CNNM1: variants seen among roughly 807,000 people sequenced by gnomAD.
The protein encoded by CNNM1 is cyclin and CBS domain divalent metal cation transport mediator 1.
In CNNM1, 44 loss-of-function variants were observed where a neutral mutation model predicts 78.8. The observed-to-expected ratio is 0.56, with a 90% CI of 0.44 to 0.72. The LOEUF is 0.72. Ranked by LOEUF, CNNM1 falls within the 30% of genes least tolerant of loss-of-function variation. The probability of loss-of-function intolerance (pLI) is 0.00; values close to 1 mark genes in which losing one functional copy is unlikely to be tolerated. For synonymous variants in CNNM1, 584 were observed against 581.5 expected (o/e 1.00, Z -0.06); for missense variants, 1,101 against 1,292.2 (o/e 0.85, Z 2.27).
At chr10:99,377,341 C>T in intron 7 of CNNM1, 123 bp downstream of exon 7, 1 of 946,128 alleles carries the variant, frequency 1.1e-6, no homozygotes. Context: ...TGTTCCAATA[C>T]AGTGCTGGGT....
chr10:99,368,842 C>T (rs1363258417), intron 6 of CNNM1, among the ~76,000 whole-genome samples: 2 of 152,180 alleles, frequency 1.3e-5, no homozygotes, highest in Non-Finnish European at 2.9e-5. Flanking sequence ...GCACATACCA[C>T]CCAGGCATTG....
intron 1 of CNNM1, among the ~76,000 whole-genome samples, chr10:99,333,121 G>T (rs1396276161): frequency 6.6e-6 from 1 of 152,130 alleles, no homozygotes; most frequent in Non-Finnish European, 1.5e-5. Flanking sequence ...TCCTCTGTAT[G>T]CATGCATCCC....
In CNNM1 at chr10:99,329,939, T is replaced by C; in HGVS notation, c.552T>C (p.Phe184=). The change falls in exon 1 of 11, where the codon TTT becomes TTC. Residue 184 remains phenylalanine (F), a synonymous_variant. Coordinates refer to ENST00000356713, the MANE Select transcript of CNNM1 (RefSeq NM_020348.3). ...RGGAGGGGKL[F]SLCAWDGRAW... is the part of the protein sequence containing the mutation. ...GCGCGGGCGGTGGCGGGAAGCTCTT[T>C]TCACTCTGCGCCTGGGATGGGCGCG... The C allele has an allele frequency of 7.2e-7, 1 of 1,386,418 alleles. No individual in the cohort carries two copies. Among genetic ancestry groups the C allele is most frequent in the Non-Finnish European group, 9.3e-7 (1 of 1,080,514 alleles). The allele number at this position is 1,386,418 out of a possible 1,614,324, so 85.9% of individuals were successfully genotyped here. A position where few individuals can be genotyped will look rare whatever the true frequency, so the allele number is the denominator to read the frequency against.
chr10:99,356,364 T>A (rs1174455485), intron 1 of CNNM1, among the ~76,000 whole-genome samples: 1 of 151,844 alleles, frequency 6.6e-6, no homozygotes. Flanking sequence ...TGGTCCCAGC[T>A]ACTCGGGAGG....
At chr10:99,356,564 G>GACAGAAAGAAAGAAAGAAAAGA (rs1554940021) in intron 1 of CNNM1, among the ~76,000 whole-genome samples, 997 of 98,114 alleles carry the variant, frequency 0.01, 14 homozygotes, top group South Asian at 0.024. Context: ...CAGACAGACA[G>GACAGAAAGAAAGAAAGAAAAGA]AAAGAAAGAA....
intron 1 of CNNM1, among the ~76,000 whole-genome samples, chr10:99,339,578 G>A (rs755216842): frequency 1.3e-5 from 2 of 152,188 alleles, no homozygotes; most frequent in Non-Finnish European, 2.9e-5. Flanking sequence ...TCTAGGTTGC[G>A]TGCTCCTTGT....
At chr10:99,352,058 G>C (rs773597251) in intron 1 of CNNM1, among the ~76,000 whole-genome samples, 1 of 152,056 alleles carries the variant, frequency 6.6e-6, no homozygotes, top group African/African-American at 2.4e-5. Context: ...AGTTGTGCAG[G>C]CATCCCTACT....
chr10:99,360,676 A>G (rs780260370), intron 2 of CNNM1, among the ~76,000 whole-genome samples, 159 bp from the exon 3 acceptor site: 3 of 152,114 alleles, frequency 2.0e-5, no homozygotes, highest in Non-Finnish European at 4.4e-5. Flanking sequence ...CCCATTGTCT[A>G]TCCCTCACCA....
At chr10:99,384,904 T>TA (rs2032263553) in intron 7 of CNNM1, among the ~76,000 whole-genome samples, 1 of 151,992 alleles carries the variant, frequency 6.6e-6, no homozygotes, top group Admixed American at 6.6e-5. Context: ...CCGTATCTAT[T>TA]AAAAATACAA....
In CNNM1 at chr10:99,390,425, C is replaced by T. The variant is rs768168443; in HGVS notation, c.2776+18C>T. 1.0e-5 allele frequency: 16 copies of T among 1,578,486 alleles called. No homozygotes were observed. Among genetic ancestry groups the T allele is most frequent in the Non-Finnish European group, 1.4e-5 (16 of 1,151,596 alleles). On this transcript the variant is annotated intron_variant, in intron 10 of 10. Transcript: ENST00000356713. ...AACCTTGAGTGAGTAGCTAGTTCTT[C>T]ACCCAAATGAGAGCCACCCTGCTGA...
intron 2 of CNNM1, among the ~76,000 whole-genome samples, chr10:99,359,936 AC>A (rs1400124725): frequency 4.0e-4 from 56 of 140,900 alleles, no homozygotes; most frequent in South Asian, 9.3e-4. Context: ...AAAAAAAAAA[AC>A]AAAAAAAAAA....
intron 1 of CNNM1, among the ~76,000 whole-genome samples, chr10:99,342,554 A>C (rs918541982): frequency 3.3e-5 from 5 of 152,152 alleles, no homozygotes; most frequent in Admixed American, 2.0e-4. Context: ...TTTAAGCTAG[A>C]GAAAGGGACA....
intron 7 of CNNM1, among the ~76,000 whole-genome samples, chr10:99,387,435 GT>G (rs1365376649): frequency 2.0e-5 from 3 of 152,180 alleles, no homozygotes; most frequent in Non-Finnish European, 2.9e-5. Context: ...CCCTGCTGGA[GT>G]CCTACCTTAT....
chr10:99,340,097 A>G (rs1225637661), intron 1 of CNNM1, among the ~76,000 whole-genome samples: 1 of 152,248 alleles, frequency 6.6e-6, no homozygotes, highest in Non-Finnish European at 1.5e-5. Flanking sequence ...TCCATTGTAT[A>G]TAGAGAGAAA....
rs768121867 is a variant in CNNM1 at position 99,330,216 on chromosome 10, G to C, written c.829G>C (p.Gly277Arg). ...EQARRVQAVRGRGTHLLCTLL... is the reference protein window; with the variant it reads ...EQARRVQAVRRRGTHLLCTLL... ...GGCGCGCCGCGTGCAGGCCGTTCGC[G>C]GCAGGGGGACCCATCTGCTCTGCAC... Residue 277 changes from glycine to arginine, a missense_variant, in exon 1 of 11, where the codon GGC (glycine) becomes CGC (arginine). Physicochemically the swap from Gly to Arg is moderately radical, Grantham distance 125. Around this residue, in one of 3 missense-constraint regions of CNNM1, gnomAD observed 476 missense variants for 484.5 expected, o/e 0.98. Transcript: ENST00000356713. 6.6e-7 allele frequency: 1 copy of C among 1,516,260 alleles called. No individual in the cohort carries two copies. The allele number at this position is 1,516,260 out of a possible 1,614,324, so 93.9% of individuals were successfully genotyped here. A position where few individuals can be genotyped will look rare whatever the true frequency, so the allele number is the denominator to read the frequency against.
At position 99,387,974 on chromosome 10, in the gene CNNM1, C is replaced by T. The variant is rs370781147; in HGVS notation, c.2495C>T (p.Thr832Met). ...ACCCCTAAGGATGACCCCGCCATCA[C>T]GCTCCTCAACAACAGGAACAGCCTG... Reference protein sequence around the residue: ...PQTPKDDPAITLLNNRNSLPC... With the variant: ...PQTPKDDPAIMLLNNRNSLPC... Residue 832 changes from threonine to methionine, a missense_variant, in exon 8 of 11, where the codon ACG becomes ATG. Coordinates refer to ENST00000356713, the MANE Select transcript of CNNM1 (RefSeq NM_020348.3). 100 of 1,597,080 alleles carry T rather than the reference C, an allele frequency of 6.3e-5. No individual in the cohort carries two copies. The highest frequency in any genetic ancestry group is 1.1e-4 in the South Asian group (10 of 88,024).
At chr10:99,366,477 A>T (rs952435537) in intron 6 of CNNM1, among the ~76,000 whole-genome samples, 1 of 145,718 alleles carries the variant, frequency 6.9e-6, no homozygotes, top group African/African-American at 2.5e-5. Flanking sequence ...TTCTTTCTTA[A>T]AAAAAAAAAA....
At chr10:99,369,227 A>T (rs1254274209) in intron 6 of CNNM1, among the ~76,000 whole-genome samples, 2 of 152,238 alleles carry the variant, frequency 1.3e-5, no homozygotes, top group African/African-American at 4.8e-5. Flanking sequence ...TTAATCGGGT[A>T]ACAATTCCTC....
intron 7 of CNNM1, among the ~76,000 whole-genome samples, chr10:99,382,233 G>GA (rs2032184593): frequency 6.6e-6 from 1 of 152,204 alleles, no homozygotes; most frequent in African/African-American, 2.4e-5. Flanking sequence ...AGTTATCTGG[G>GA]AAAGGTGTTA....
Sources: allele counts gnomAD v4.1 joint callset (sites outside exome capture counted in the v4.1 genomes callset), GRCh38; gene constraint gnomAD v4.1.1; regional missense constraint gnomAD v4.1.1; transcripts MANE v1.5; gene names NCBI Gene and HGNC (gene_info 2026-07-23, HGNC 2026-07-21).